The following PPFIA2 variants were observed in gnomAD, a reference collection of about 807,000 sequenced individuals.
The protein encoded by PPFIA2 is liprin-alpha-2.
A neutral mutation model predicts 175.5 loss-of-function variants in PPFIA2; 46 were observed. The ratio of observed to expected loss-of-function variants is 0.26; its 90% CI spans 0.21 to 0.34. The LOEUF is 0.34. Ranked by LOEUF, PPFIA2 falls within the 10% of genes least tolerant of loss-of-function variation. The probability of loss-of-function intolerance (pLI) is 1.00; values close to 1 mark genes in which losing one functional copy is unlikely to be tolerated. For synonymous variants in PPFIA2, 568 were observed against 511.4 expected, an observed-to-expected ratio of 1.11 and a Z score of -1.49; for missense variants, 1,179 against 1,506.1, an observed-to-expected ratio of 0.78 and a Z score of 3.60.
At chr12:81,704,669 C>T (rs1255152024) in intron 3 of PPFIA2, among the ~76,000 whole-genome samples, 1 of 152,004 alleles carries the variant, frequency 6.6e-6, no homozygotes, top group Non-Finnish European at 1.5e-5. Flanking sequence ...ATACAAGGTT[C>T]ATTTGCCTTG....
chr12:81,289,305 G>A (rs2044282699), intron 24 of PPFIA2, among the ~76,000 whole-genome samples: 1 of 151,746 alleles, frequency 6.6e-6, no homozygotes. Flanking sequence ...ACACTGAGCT[G>A]ACTAATGCCT....
intron 8 of PPFIA2, among the ~76,000 whole-genome samples, chr12:81,392,718 G>T (rs988677390): frequency 1.5e-4 from 23 of 151,732 alleles, no homozygotes; most frequent in Admixed American, 1.1e-3. Context: ...TTTCACACTT[G>T]GCTGTCAAAC....
At chr12:81,386,154 T>G (rs1595904727) in intron 8 of PPFIA2, among the ~76,000 whole-genome samples, 1 of 151,236 alleles carries the variant, frequency 6.6e-6, no homozygotes, top group South Asian at 2.1e-4. Context: ...GGCATGCACC[T>G]GTAGTGCTAG....
intron 4 of PPFIA2, among the ~76,000 whole-genome samples, chr12:81,620,360 A>T (rs1026671651): frequency 1.1e-4 from 17 of 152,166 alleles, no homozygotes; most frequent in Admixed American, 6.5e-4. Context: ...AACTCCAAAC[A>T]ATAATGATTC....
intron 8 of PPFIA2, among the ~76,000 whole-genome samples, chr12:81,385,575 A>G (rs188619073): frequency 4.2e-4 from 64 of 152,298 alleles, no homozygotes; most frequent in African/African-American, 1.5e-3. Context: ...ATGAGCCTGG[A>G]GGACATTATT....
rs183121800 is a variant in PPFIA2, at chr12:81,290,772, T to G, written c.2925+4063A>C. Among the ~76,000 whole-genome samples, 210 of 151,904 alleles carry G rather than the reference T, an allele frequency of 1.4e-3. 2 individuals carry two copies. Among genetic ancestry groups the G allele is most frequent in the African/African-American group, 5.0e-3 (206 of 41,542 alleles). ...ATTTAACAATTAAAGTTTAAAAGTA[T>G]TAAGAATATGCATTCCGTATACACA... On this transcript the variant is annotated intron_variant, in intron 24 of 32. Transcript: ENST00000549396.
intron 4 of PPFIA2, among the ~76,000 whole-genome samples, chr12:81,466,897 T>A (rs1276704190): frequency 6.8e-6 from 1 of 147,118 alleles, no homozygotes. Flanking sequence ...TTATATTAAA[T>A]ATAATATATA....
rs149661271 is a variant in PPFIA2 at position 81,659,917 on chromosome 12, C to G, written c.303+16874G>C. On this transcript the variant is annotated intron_variant, in intron 4 of 32. Coordinates refer to ENST00000549396, the MANE Select transcript of PPFIA2 (RefSeq NM_003625.5). ...TTCACCAATATTCGATATTCTGCAG[C>G]CTCCACGCTCCAGGCAAACAGGGTT... Among the ~76,000 whole-genome samples the G allele has an allele frequency of 3.3e-3, 510 of 152,272 alleles. 2 individuals are homozygous for G. The highest frequency in any genetic ancestry group is 6.8e-3 in the Middle Eastern group (2 of 294).
At chr12:81,685,799 G>T (rs191382477) in intron 3 of PPFIA2, among the ~76,000 whole-genome samples, 54 of 152,084 alleles carry the variant, frequency 3.6e-4, no homozygotes, top group Non-Finnish European at 1.5e-4. Flanking sequence ...CTTTATTTTT[G>T]AATGCATATT....
rs571965632 is a variant in PPFIA2 at position 81,735,164 on chromosome 12, A to T, written c.249+18809T>A. ...CCCTTGGTTAGATTTCTAGGAGTAA[A>T]TTTTTTTAATTAAATAAACTACTAG... On this transcript the variant is annotated intron_variant, in intron 3 of 32. Transcript: ENST00000549396. 2.6e-5 allele frequency among the ~76,000 whole-genome samples: 4 copies of T among 151,854 alleles called. No homozygotes were observed. The East Asian group carries it at 5.8e-4, about 22-fold the overall frequency.
chr12:81,421,098 A>C (rs753122478), intron 7 of PPFIA2, among the ~76,000 whole-genome samples: 1 of 152,144 alleles, frequency 6.6e-6, no homozygotes, highest in Non-Finnish European at 1.5e-5. Context: ...GAAGGGATAA[A>C]GTCTTTCCAA....
chr12:81,582,281 C>T (rs2074532433), intron 4 of PPFIA2, among the ~76,000 whole-genome samples: 2 of 151,850 alleles, frequency 1.3e-5, no homozygotes, highest in East Asian at 3.9e-4. Flanking sequence ...AGTTTCTCTT[C>T]CATGTTCTTT....
intron 4 of PPFIA2, among the ~76,000 whole-genome samples, chr12:81,499,403 C>T (rs989907074): frequency 2.0e-5 from 3 of 151,546 alleles, no homozygotes; most frequent in Non-Finnish European, 2.9e-5. Context: ...GAGCAGGGGG[C>T]CATGGTTAGA....
intron 4 of PPFIA2, among the ~76,000 whole-genome samples, chr12:81,585,668 G>A (rs2075204233): frequency 6.6e-6 from 1 of 151,696 alleles, no homozygotes; most frequent in Non-Finnish European, 1.5e-5. Context: ...CACCACCTAT[G>A]ATAATAGTGC....
intron 8 of PPFIA2, among the ~76,000 whole-genome samples, chr12:81,387,777 C>T (rs1335734622): frequency 1.3e-5 from 2 of 152,068 alleles, no homozygotes; most frequent in Non-Finnish European, 2.9e-5. Context: ...TTGGTTCCAC[C>T]CATCTTCCCT....
chr12:81,354,236 C>A (rs2060506164), intron 16 of PPFIA2, among the ~76,000 whole-genome samples: 1 of 152,138 alleles, frequency 6.6e-6, no homozygotes, highest in Non-Finnish European at 1.5e-5. Context: ...TGAAAGATTT[C>A]TCTGTAGCAT....
chr12:81,662,769 A>G (rs1050206636), intron 4 of PPFIA2, among the ~76,000 whole-genome samples: 1 of 152,214 alleles, frequency 6.6e-6, no homozygotes, highest in African/African-American at 2.4e-5. Flanking sequence ...TTTTCAACCA[A>G]TATCCCTGAT....
At chr12:81,592,774 T>C (rs2058814627) in intron 4 of PPFIA2, among the ~76,000 whole-genome samples, 1 of 152,144 alleles carries the variant, frequency 6.6e-6, no homozygotes, top group Admixed American at 6.6e-5. Context: ...AACGAACTAA[T>C]ACACAGGGTA....
At position 81,687,179 on chromosome 12, in the gene PPFIA2, C is replaced by T. The variant is rs538807886; in HGVS notation, c.250-10335G>A. ...ACAGGTTACTTCTGTACTCAAAATA[C>T]TTAAGTAAGGTCCCCATTCCCAGGA... On this transcript the variant is annotated intron_variant, in intron 3 of 32. Transcript: ENST00000549396. Among the ~76,000 whole-genome samples, 6 of 152,142 alleles carry T rather than the reference C, an allele frequency of 3.9e-5. No individual in the cohort carries two copies. The East Asian group carries it at 1.2e-3, about 30-fold the overall frequency.
Sources: gnomAD v4.1 joint callset for allele counts (sites outside exome capture counted in the v4.1 genomes callset) on GRCh38, gnomAD v4.1.1 for gene constraint, MANE v1.5 for transcripts, NCBI Gene and HGNC (gene_info 2026-07-23, HGNC 2026-07-21) for gene names.